Variants in TEX13D observed in about 807,000 individuals in gnomAD.
TEX13D encodes the protein TEX13 family member D.
For missense variants in TEX13D, 261 were observed against 265.8 expected (o/e 0.98, Z 0.12); for synonymous variants, 115 against 104.5 (o/e 1.10, Z -0.61).
In TEX13D at chrX:124,335,348, G is replaced by T. The variant is rs560328141; in HGVS notation, c.*286G>T. 6.6e-6 allele frequency: 1 copy of T among 151,681 alleles called. No homozygotes were observed. Among genetic ancestry groups the T allele is most frequent in the East Asian group, 1.6e-4 (1 of 6,448 alleles). The allele number at this position is 151,681 out of a possible 1,213,427, so 12.5% of individuals were successfully genotyped here. A position where few individuals can be genotyped will look rare whatever the true frequency, so the allele number is the denominator to read the frequency against. On this transcript the variant is annotated 3_prime_UTR_variant, in exon 1 of 1. Coordinates refer to ENST00000632372, the MANE Select transcript of TEX13D (RefSeq NM_001355534.2). ...TTTCTCCTGATTGCATTTAAATTTTGCAGGTGGTGGATTCTGGATGGCCGA... is the reference window on the plus strand; with the variant it reads ...TTTCTCCTGATTGCATTTAAATTTTTCAGGTGGTGGATTCTGGATGGCCGA...
chrX:124,333,171 A>T lies in TEX13D; in HGVS notation c.254A>T (p.Glu85Val). 1 of 459,843 alleles carries T rather than the reference A, an allele frequency of 2.2e-6. No individual in the cohort carries two copies. The highest frequency in any genetic ancestry group is 4.0e-5 in the East Asian group (1 of 25,077). 37.9% of individuals were successfully genotyped at this position (459,843 alleles called of 1,213,427 possible). The change falls in exon 1 of 1, where the codon GAG becomes GTG. Residue 85 changes from glutamate (E) to valine (V), a missense_variant. Physicochemically the swap from Glu to Val is moderately radical, Grantham distance 121. Transcript: ENST00000632372. ...SVRVATRQRE[E>V]LLHHVRRLQR... The stretch of plus-strand genomic sequence containing the variant: ...CGAGTGGCCACGAGGCAGCGGGAGG[A>T]GCTGCTGCACCACGTTCGGCGGCTG...
Position 124,333,947 on chromosome X carries a change from C to T in TEX13D, c.1030C>T (p.Leu344=). 1.3e-6 allele frequency: 1 copy of T among 760,863 alleles called. No homozygotes were observed. The highest frequency in any genetic ancestry group is 1.7e-6 in the Non-Finnish European group (1 of 594,833). The allele number at this position is 760,863 out of a possible 1,213,427, so 62.7% of individuals were successfully genotyped here. ...LSESPQGTAP[L]GSSGCHSQEE... ...AGAGAGTCCCCAGGGGACAGCCCCA[C>T]TGGGGAGCAGCGGATGCCACTCCCA... The change falls in exon 1 of 1, where the codon CTG becomes TTG. Residue 344 remains leucine (L), a synonymous_variant. Transcript: ENST00000632372.
At position 124,334,740 on chromosome X, in the gene TEX13D, A is replaced by G; in HGVS notation, c.1823A>G (p.Gln608Arg). The change falls in exon 1 of 1, where the codon CAG becomes CGG. Residue 608 changes from glutamine (Q) to arginine (R), a missense_variant. Coordinates refer to ENST00000632372, the MANE Select transcript of TEX13D (RefSeq NM_001355534.2). ...YSQEGSRERA[Q>R]GMATLVFSRS... is the part of the protein sequence containing the mutation. ...CAGGAAGGAAGCCGAGAGAGGGCCCAGGGGATGGCCACCCTGGTGTTTAGC... is the reference window on the plus strand; with the variant it reads ...CAGGAAGGAAGCCGAGAGAGGGCCCGGGGGATGGCCACCCTGGTGTTTAGC... 1.1e-6 allele frequency: 1 copy of G among 936,008 alleles called. No individual in the cohort carries two copies. Among genetic ancestry groups the G allele is most frequent in the South Asian group, 5.9e-5 (1 of 17,001 alleles). The allele number at this position is 936,008 out of a possible 1,213,427, so 77.1% of individuals were successfully genotyped here.
Position 124,336,397 on chromosome X carries a change from C to A in TEX13D, c.*1335C>A, listed in dbSNP as rs2059973184. On this transcript the variant is annotated 3_prime_UTR_variant, in exon 1 of 1. Coordinates refer to ENST00000632372, the MANE Select transcript of TEX13D (RefSeq NM_001355534.2). The stretch of plus-strand genomic sequence containing the variant: ...GCTGCCAGTAAGCCTGCCTGAAAGA[C>A]CACTGGGGTGTCTTGAAGAAAGACA... The A allele has an allele frequency of 8.9e-6, 1 of 112,052 alleles. No homozygotes were observed. The allele number at this position is 112,052 out of a possible 1,213,427, so 9.2% of individuals were successfully genotyped here.
Position 124,335,714 on chromosome X carries a change from G to C in TEX13D, c.*652G>C, listed in dbSNP as rs1329905730. Reference sequence around the variant, plus strand: ...ACCAAACTTGCTTGTTGCTGAAGAAGCTGAACCTGTTCCATTAGAAGATCT... The same window carrying C: ...ACCAAACTTGCTTGTTGCTGAAGAACCTGAACCTGTTCCATTAGAAGATCT... On this transcript the variant is annotated 3_prime_UTR_variant, in exon 1 of 1. Transcript: ENST00000632372. The C allele has an allele frequency of 8.9e-6, 1 of 112,299 alleles. No individual in the cohort carries two copies. The highest frequency in any genetic ancestry group is 1.9e-5 in the Non-Finnish European group (1 of 53,336). The allele number at this position is 112,299 out of a possible 1,213,427, so 9.3% of individuals were successfully genotyped here.
rs2059968138 is a variant in TEX13D, at chrX:124,334,140, A to G, written c.1223A>G (p.Asp408Gly). The G allele has an allele frequency of 8.6e-6, 8 of 933,620 alleles. No individual in the cohort carries two copies. The highest frequency in any genetic ancestry group is 2.1e-5 in the African/African-American group (1 of 47,801). The allele number at this position is 933,620 out of a possible 1,213,427, so 76.9% of individuals were successfully genotyped here. ...CCCCAGGGGACGGTCCCCCAGGGAG[A>G]CAGCAGAAGCTACAGCCAGGAAGGA... ...EGPQGTVPQG[D>G]SRSYSQEGCS... The change falls in exon 1 of 1, where the codon GAC becomes GGC. Residue 408 changes from aspartate to glycine, a missense_variant. By Grantham distance (94) the Asp-to-Gly change is moderately conservative. Transcript: ENST00000632372.
Position 124,333,111 on chromosome X carries a change from G to A in TEX13D, c.194G>A (p.Arg65Lys). ...ADSQVPRAIK[R>K]ACTWSALALS... The stretch of plus-strand genomic sequence containing the variant: ...TCTCAGGTGCCGCGCGCCATCAAGA[G>A]GGCCTGTACCTGGAGCGCTTTGGCT... Residue 65 changes from arginine to lysine, a missense_variant, in exon 1 of 1, where the codon AGG (arginine) becomes AAG (lysine). Physicochemically the swap from Arg to Lys is conservative, Grantham distance 26. Transcript: ENST00000632372. 2.3e-6 allele frequency: 1 copy of A among 443,911 alleles called. No individual in the cohort carries two copies. 36.6% of individuals were successfully genotyped at this position (443,911 alleles called of 1,213,427 possible).
chrX:124,336,845 A>G lies in TEX13D; in HGVS notation c.*1783A>G, dbSNP rs1263234950. ...AGGGGTTTTCTGATCCTAACTAGTA[A>G]TAAAGAGTGTGCACTGGACTGCTGT... On this transcript the variant is annotated 3_prime_UTR_variant, in exon 1 of 1. Transcript: ENST00000632372. The G allele has an allele frequency of 8.9e-6, 1 of 111,887 alleles. No individual in the cohort carries two copies. Among genetic ancestry groups the G allele is most frequent in the Non-Finnish European group, 1.9e-5 (1 of 53,122 alleles). The allele number at this position is 111,887 out of a possible 1,213,427, so 9.2% of individuals were successfully genotyped here.
At position 124,335,761 on chromosome X, in the gene TEX13D, G is replaced by A. The variant is rs2059972195; in HGVS notation, c.*699G>A. On this transcript the variant is annotated 3_prime_UTR_variant, in exon 1 of 1. Coordinates refer to ENST00000632372, the MANE Select transcript of TEX13D (RefSeq NM_001355534.2). ...ATCTTCCAAAGCCAAAAGAAAGTGA[G>A]ACTGACTGCAGACTTACTGGCTGCA... 1 of 112,234 alleles carries A rather than the reference G, an allele frequency of 8.9e-6. No individual in the cohort carries two copies. The highest frequency in any genetic ancestry group is 3.2e-5 in the African/African-American group (1 of 30,832). 9.2% of individuals were successfully genotyped at this position (112,234 alleles called of 1,213,427 possible).
At position 124,332,734 on chromosome X, in the gene TEX13D, T is replaced by G; in HGVS notation, c.-184T>G. 3.5e-6 allele frequency: 1 copy of G among 284,809 alleles called. No individual in the cohort carries two copies. The highest frequency in any genetic ancestry group is 6.1e-6 in the Non-Finnish European group (1 of 162,687). 23.5% of individuals were successfully genotyped at this position (284,809 alleles called of 1,213,427 possible). A position where few individuals can be genotyped will look rare whatever the true frequency, so the allele number is the denominator to read the frequency against. On this transcript the variant is annotated 5_prime_UTR_variant, in exon 1 of 1. Coordinates refer to ENST00000632372, the MANE Select transcript of TEX13D (RefSeq NM_001355534.2). ...CGAGGGGGACCTGCTTCTCTCTTTG[T>G]GAGAACCAGGGAGTGAGGGAGGAAG...
chrX:124,332,921 G>C lies in TEX13D; in HGVS notation c.4G>C (p.Ala2Pro), dbSNP rs2059964262. The stretch of plus-strand genomic sequence containing the variant: ...GCTTGACTAGGCCACAGCCGCCATG[G>C]CGATGAATTTTGGGGACCATGCCAG... M[A>P]MNFGDHASGF... Residue 2 changes from alanine to proline, a missense_variant, in exon 1 of 1, where the codon GCG becomes CCG. By Grantham distance (27) the Ala-to-Pro change is conservative. Transcript: ENST00000632372. 1 of 350,573 alleles carries C rather than the reference G, an allele frequency of 2.9e-6. No homozygotes were observed. The highest frequency in any genetic ancestry group is 5.5e-5 in the Admixed American group (1 of 18,330). 28.9% of individuals were successfully genotyped at this position (350,573 alleles called of 1,213,427 possible).
At position 124,335,567 on chromosome X, in the gene TEX13D, T is replaced by G. The variant is rs2059971895; in HGVS notation, c.*505T>G. The stretch of plus-strand genomic sequence containing the variant: ...CTGTTATTCCTTTGGAAACAAATTT[T>G]AGAATCACCACACTTCCTTGAAAAT... On this transcript the variant is annotated 3_prime_UTR_variant, in exon 1 of 1. Transcript: ENST00000632372. 8.9e-6 allele frequency: 1 copy of G among 112,793 alleles called. No homozygotes were observed. The highest frequency in any genetic ancestry group is 3.2e-5 in the African/African-American group (1 of 31,003). 9.3% of individuals were successfully genotyped at this position (112,793 alleles called of 1,213,427 possible).
At position 124,336,468 on chromosome X, in the gene TEX13D, G is replaced by T. The variant is rs375246554; in HGVS notation, c.*1406G>T. ...TACACACTCCAGCCCTCAGCCTCGG[G>T]CTGCCCCCATTCCAAGTCCCTTTCT... On this transcript the variant is annotated 3_prime_UTR_variant, in exon 1 of 1. Coordinates refer to ENST00000632372, the MANE Select transcript of TEX13D (RefSeq NM_001355534.2). 16 of 112,464 alleles carry T rather than the reference G, an allele frequency of 1.4e-4. No homozygotes were observed. Among genetic ancestry groups the T allele is most frequent in the African/African-American group, 4.9e-4 (15 of 30,921 alleles). 9.3% of individuals were successfully genotyped at this position (112,464 alleles called of 1,213,427 possible). A position where few individuals can be genotyped will look rare whatever the true frequency, so the allele number is the denominator to read the frequency against.
Position 124,334,969 on chromosome X carries a change from A to G in TEX13D, c.2052A>G (p.Pro684=), listed in dbSNP as rs2059970667. ...CAGTTCCAGTGAATTGGAAATGCCC[A>G]TGGTGTAAAGCCATTAATTTTTCAT... ...SFPVPVNWKC[P]WCKAINFSWR... is the part of the protein sequence containing the mutation. Residue 684 remains proline (P), a synonymous_variant, in exon 1 of 1, where the codon CCA becomes CCG. Coordinates refer to ENST00000632372, the MANE Select transcript of TEX13D (RefSeq NM_001355534.2). The G allele has an allele frequency of 1.2e-5, 11 of 937,443 alleles. No individual in the cohort carries two copies. The highest frequency in any genetic ancestry group is 1.3e-5 in the Non-Finnish European group (10 of 756,167). The allele number at this position is 937,443 out of a possible 1,213,427, so 77.3% of individuals were successfully genotyped here.
chrX:124,333,700 T>G lies in TEX13D; in HGVS notation c.783T>G (p.Pro261=). The part of the protein sequence containing the change: ...AEAAAVPLQM[P]PTEIHPPCPW... ...CAGCAGCAGTCCCACTTCAGATGCC[T>G]CCTACTGAGATCCACCCACCTTGCC... Residue 261 remains proline, a synonymous_variant, in exon 1 of 1, where the codon CCT becomes CCG. Transcript: ENST00000632372. 3.4e-6 allele frequency: 1 copy of G among 297,521 alleles called. No homozygotes were observed. The highest frequency in any genetic ancestry group is 6.1e-5 in the Admixed American group (1 of 16,492). The allele number at this position is 297,521 out of a possible 1,213,427, so 24.5% of individuals were successfully genotyped here.
chrX:124,335,179 G>A lies in TEX13D; in HGVS notation c.*117G>A. On this transcript the variant is annotated 3_prime_UTR_variant, in exon 1 of 1. Transcript: ENST00000632372. ...CAGAAAAATTGAACCCCAAATTATG[G>A]AGAAAATTAAATAAAATAATTTATT... The A allele has an allele frequency of 5.9e-6, 3 of 511,175 alleles. No individual in the cohort carries two copies. The highest frequency in any genetic ancestry group is 8.2e-6 in the Non-Finnish European group (3 of 367,365). The allele number at this position is 511,175 out of a possible 1,213,427, so 42.1% of individuals were successfully genotyped here.
Position 124,336,152 on chromosome X carries a change from C to T in TEX13D, c.*1090C>T, listed in dbSNP as rs2059972875. The T allele has an allele frequency of 9.0e-6, 1 of 111,464 alleles. No individual in the cohort carries two copies. The highest frequency in any genetic ancestry group is 9.5e-5 in the Admixed American group (1 of 10,534). The allele number at this position is 111,464 out of a possible 1,213,427, so 9.2% of individuals were successfully genotyped here. Reference sequence around the variant, plus strand: ...CATGTAGTGTTGCCTTAGGTAAAACCAATTTAAATAACATCTAGATCCATT... The same window carrying T: ...CATGTAGTGTTGCCTTAGGTAAAACTAATTTAAATAACATCTAGATCCATT... On this transcript the variant is annotated 3_prime_UTR_variant, in exon 1 of 1. Transcript: ENST00000632372.
rs1321629482 is a variant in TEX13D at position 124,335,478 on chromosome X, GT to G, written c.*418del. The G allele has an allele frequency of 8.8e-6, 1 of 113,283 alleles. No homozygotes were observed. The highest frequency in any genetic ancestry group is 1.8e-5 in the Non-Finnish European group (1 of 54,112). 9.3% of individuals were successfully genotyped at this position (113,283 alleles called of 1,213,427 possible). On this transcript the variant is annotated 3_prime_UTR_variant, in exon 1 of 1. Transcript: ENST00000632372. ...AAAGCCATGTATGTGGCTGGGAGCA[GT>G]TGTGTGATTTTAGAGTTAGAAGATA...
In TEX13D at chrX:124,332,811, G is replaced by C; in HGVS notation, c.-107G>C. On this transcript the variant is annotated 5_prime_UTR_variant, in exon 1 of 1. Coordinates refer to ENST00000632372, the MANE Select transcript of TEX13D (RefSeq NM_001355534.2). ...GCAAGGACTAAAGTAAGACTGAAAG[G>C]GGAGGTGAGGGGTGGACTGGTTGTC... 9.0e-6 allele frequency: 3 copies of C among 334,951 alleles called. No homozygotes were observed. The East Asian group carries it at 1.4e-4, about 16-fold the overall frequency. 27.6% of individuals were successfully genotyped at this position (334,951 alleles called of 1,213,427 possible). A position where few individuals can be genotyped will look rare whatever the true frequency, so the allele number is the denominator to read the frequency against.
Sources: gnomAD v4.1 joint callset for allele counts on GRCh38, gnomAD v4.1.1 for gene constraint, MANE v1.5 for transcripts, NCBI Gene and HGNC (gene_info 2026-07-23, HGNC 2026-07-21) for gene names.